The following CCDC6 variants were observed in gnomAD, a reference collection of about 807,000 sequenced individuals.
The protein encoded by CCDC6 is coiled-coil domain containing 6, also known as coiled-coil domain-containing protein 6.
A neutral mutation model predicts 56.6 loss-of-function variants in CCDC6; 20 were observed. That is an observed-to-expected ratio of 0.35 (90% CI 0.25 to 0.51). The LOEUF is 0.51. Among genes scored for constraint, CCDC6 ranks in the 20% least tolerant of loss-of-function variants. The probability of loss-of-function intolerance (pLI) is 0.95; values close to 1 mark genes in which losing one functional copy is unlikely to be tolerated. For synonymous variants in CCDC6, 241 were observed against 234.4 expected, an observed-to-expected ratio of 1.03 and a Z score of -0.26; for missense variants, 367 against 601.1, an observed-to-expected ratio of 0.61 and a Z score of 4.07.
At chr10:59,879,170 T>C (rs1394630963) in intron 1 of CCDC6, among the ~76,000 whole-genome samples, 2 of 152,076 alleles carry the variant, frequency 1.3e-5, no homozygotes, top group East Asian at 1.9e-4. Flanking sequence ...CCTAAAACCT[T>C]CAAAAGCAGT....
intron 1 of CCDC6, among the ~76,000 whole-genome samples, chr10:59,879,431 T>G (rs2071313877): frequency 6.6e-6 from 1 of 152,174 alleles, no homozygotes. Flanking sequence ...CAGACCTCAT[T>G]ATTACAAACT....
At chr10:59,811,483 T>A (rs146540769) in intron 5 of CCDC6, among the ~76,000 whole-genome samples, 12 of 152,322 alleles carry the variant, frequency 7.9e-5, no homozygotes, top group African/African-American at 2.9e-4. Context: ...ACTAGTTGAA[T>A]TATGGCATAT....
intron 1 of CCDC6, among the ~76,000 whole-genome samples, chr10:59,879,225 A>T (rs1240625064): frequency 6.6e-6 from 1 of 152,328 alleles, no homozygotes; most frequent in African/African-American, 2.4e-5. Context: ...GAAAACAAGG[A>T]TCTAAAGGGT....
chr10:59,807,855 T>C lies in CCDC6; in HGVS notation c.848-777A>G, dbSNP rs572976049. Among the ~76,000 whole-genome samples, 5 of 152,322 alleles carry C rather than the reference T, an allele frequency of 3.3e-5. No individual in the cohort carries two copies. The South Asian group carries it at 8.3e-4, about 25-fold the overall frequency. ...CATCTAGGGGAGCCTGTGACACTTG[T>C]TGGCATTCCCGCTGTGCACAGTGGT... On this transcript the variant is annotated intron_variant, in intron 5 of 8. Coordinates refer to ENST00000263102, the MANE Select transcript of CCDC6 (RefSeq NM_005436.5).
chr10:59,797,683 TTG>T (rs72280811), intron 7 of CCDC6, among the ~76,000 whole-genome samples: 117 of 140,324 alleles, frequency 8.3e-4, no homozygotes, highest in Admixed American at 1.1e-3. Flanking sequence ...AGTGAGAGTG[TTG>T]TGTGTGTGTG....
chr10:59,791,923 A>G lies in CCDC6; in HGVS notation c.*994T>C, dbSNP rs1339282252. On this transcript the variant is annotated 3_prime_UTR_variant, in exon 9 of 9. Transcript: ENST00000263102. The stretch of plus-strand genomic sequence containing the variant: ...TATTTTCTTTTCTGCCAAGCAATAC[A>G]ATATTTTCTGGCCATTATGCCAAGA... 3.6e-5 allele frequency: 8 copies of G among 221,342 alleles called. No individual in the cohort carries two copies. The highest frequency in any genetic ancestry group is 1.6e-4 in the African/African-American group (7 of 44,772). 13.7% of individuals were successfully genotyped at this position (221,342 alleles called of 1,614,324 possible). A position where few individuals can be genotyped will look rare whatever the true frequency, so the allele number is the denominator to read the frequency against.
At chr10:59,813,991 C>T (rs1270302884) in intron 4 of CCDC6, among the ~76,000 whole-genome samples, 1 of 152,128 alleles carries the variant, frequency 6.6e-6, no homozygotes, top group African/African-American at 2.4e-5. Flanking sequence ...ACTTTTTACA[C>T]CCGTACACAC....
intron 4 of CCDC6, 33 bp downstream of exon 4, chr10:59,814,619 C>CAT (rs748182881): frequency 3.8e-6 from 5 of 1,304,002 alleles, no homozygotes; most frequent in South Asian, 3.5e-5. Context: ...CACACACACA[C>CAT]ACACCCATAC....
intron 7 of CCDC6, among the ~76,000 whole-genome samples, chr10:59,803,696 C>A (rs999545475): frequency 3.3e-5 from 5 of 152,300 alleles, no homozygotes; most frequent in Non-Finnish European, 7.4e-5. Flanking sequence ...GGTATTGAGC[C>A]ACAGAGCTCA....
intron 7 of CCDC6, among the ~76,000 whole-genome samples, chr10:59,795,735 T>A (rs1444185182): frequency 6.6e-6 from 1 of 151,510 alleles, no homozygotes; most frequent in Non-Finnish European, 1.5e-5. Context: ...TGTTTCGTTT[T>A]TTGTCCTTGC....
Position 59,792,259 on chromosome 10 carries a change from T to C in CCDC6, c.*658A>G. On this transcript the variant is annotated 3_prime_UTR_variant, in exon 9 of 9. Coordinates refer to ENST00000263102, the MANE Select transcript of CCDC6 (RefSeq NM_005436.5). ...ACGATAATTATCCATCCCATTTATG[T>C]GGAGAAGGTACAGCCACATGATTCA... The C allele has an allele frequency of 3.4e-6, 1 of 293,056 alleles. No individual in the cohort carries two copies. 18.2% of individuals were successfully genotyped at this position (293,056 alleles called of 1,614,324 possible).
At chr10:59,906,006 C>G (rs1427232664) in intron 1 of CCDC6, 116 bp downstream of exon 1, 1 of 902,762 alleles carries the variant, frequency 1.1e-6, no homozygotes, top group Admixed American at 2.8e-5. Context: ...AGGGAGTGTG[C>G]TCTCAGAGGG....
At chr10:59,902,546 A>G (rs1358830157) in intron 1 of CCDC6, among the ~76,000 whole-genome samples, 1 of 151,844 alleles carries the variant, frequency 6.6e-6, no homozygotes, top group Non-Finnish European at 1.5e-5. Flanking sequence ...GGCATGCAAC[A>G]CCATCCCCAG....
At chr10:59,875,403 T>G (rs1296567530) in intron 1 of CCDC6, among the ~76,000 whole-genome samples, 4 of 152,082 alleles carry the variant, frequency 2.6e-5, no homozygotes, top group Non-Finnish European at 5.9e-5. Flanking sequence ...TTGGGAGAGG[T>G]GAAGTCTTTC....
intron 1 of CCDC6, among the ~76,000 whole-genome samples, chr10:59,897,459 TAGTC>T (rs1054752279): frequency 3.3e-5 from 5 of 152,176 alleles, no homozygotes; most frequent in African/African-American, 1.2e-4. Flanking sequence ...TTCTCCATGT[TAGTC>T]AGGCTGGTCT....
In CCDC6 at chr10:59,792,512, C is replaced by A; in HGVS notation, c.*405G>T. The A allele has an allele frequency of 4.1e-6, 2 of 487,198 alleles. No individual in the cohort carries two copies. The allele number at this position is 487,198 out of a possible 1,614,324, so 30.2% of individuals were successfully genotyped here. A position where few individuals can be genotyped will look rare whatever the true frequency, so the allele number is the denominator to read the frequency against. ...CACTATTATAATGAGAGGAGGGTAA[C>A]AACAGCTCAGTAATTTTCTGCAGAT... On this transcript the variant is annotated 3_prime_UTR_variant, in exon 9 of 9. Transcript: ENST00000263102.
intron 1 of CCDC6, among the ~76,000 whole-genome samples, chr10:59,899,456 A>AAC (rs1456664840): frequency 2.6e-5 from 4 of 152,166 alleles, no homozygotes; most frequent in Non-Finnish European, 5.9e-5. Context: ...ATTTAAGGAA[A>AAC]ACACACACAC....
intron 1 of CCDC6, among the ~76,000 whole-genome samples, chr10:59,888,814 A>G (rs572370764): frequency 2.0e-5 from 3 of 152,306 alleles, no homozygotes; most frequent in East Asian, 1.9e-4. Flanking sequence ...GATTCACTCT[A>G]CTTTAGTATA....
At chr10:59,861,432 CAAAAAAA>C (rs55716341) in intron 1 of CCDC6, among the ~76,000 whole-genome samples, 2 of 88,950 alleles carry the variant, frequency 2.2e-5, no homozygotes, top group Admixed American at 1.4e-4. Flanking sequence ...CAAAAATTAC[CAAAAAAA>C]AAAAAAAAAA....
Sources: gnomAD v4.1 joint callset for allele counts (sites outside exome capture counted in the v4.1 genomes callset) on GRCh38, gnomAD v4.1.1 for gene constraint, MANE v1.5 for transcripts, NCBI Gene and HGNC (gene_info 2026-07-23, HGNC 2026-07-21) for gene names.